The following XXYLT1 variants were observed in gnomAD, a reference collection of about 807,000 sequenced individuals.
The protein encoded by XXYLT1 is UDP-xylose:alpha-xyloside alpha-1,3-xylosyltransferase.
Under a neutral mutation model 28.9 loss-of-function variants are expected in XXYLT1, and 20 were observed. That is an observed-to-expected ratio of 0.69 (90% CI 0.49 to 1.00). The LOEUF (loss-of-function observed/expected upper bound fraction) is 1.00, where lower values mean the gene tolerates loss of function less well. XXYLT1 is among the 50% of genes least tolerant of loss of function. The probability of loss-of-function intolerance (pLI) is 0.00; values close to 1 mark genes in which losing one functional copy is unlikely to be tolerated. For synonymous variants in XXYLT1, 257 were observed against 253.8 expected (o/e 1.01, Z -0.12); for missense variants, 542 against 560.1 (o/e 0.97, Z 0.33).
rs557463780 is a variant in XXYLT1, at chr3:195,129,215, CCT to C, written c.785+27232_785+27233del. Among the ~76,000 whole-genome samples the C allele has an allele frequency of 6.6e-6, 1 of 151,660 alleles. No homozygotes were observed. The highest frequency in any genetic ancestry group is 2.4e-5 in the African/African-American group (1 of 41,402). ...ACGGCAGCCATTTACAACCTCCTGC[CCT>C]CTCTCTCTCTCTTTTTTTGGTAACA... On this transcript the variant is annotated intron_variant, in intron 3 of 3. Coordinates refer to ENST00000310380, the MANE Select transcript of XXYLT1 (RefSeq NM_152531.5). The surrounding 1 kb of genome is among the most constrained non-coding windows in gnomAD (Gnocchi z 4.4).
Position 195,179,918 on chromosome 3 carries a change from G to C in XXYLT1, c.653-23337C>G, listed in dbSNP as rs139953702. On this transcript the variant is annotated intron_variant, in intron 2 of 3. Coordinates refer to ENST00000310380, the MANE Select transcript of XXYLT1 (RefSeq NM_152531.5). The stretch of plus-strand genomic sequence containing the variant: ...TGTGACTGATGCGTGGGCCCCTGAG[G>C]ATGCCTCCCCGTGATCCCTCGGGCC... 1.3e-4 allele frequency among the ~76,000 whole-genome samples: 20 copies of C among 152,308 alleles called. No homozygotes were observed. The East Asian group carries it at 3.9e-3, about 29-fold the overall frequency.
chr3:195,263,375 G>A (rs751787602), intron 1 of XXYLT1, among the ~76,000 whole-genome samples: 4 of 152,298 alleles, frequency 2.6e-5, no homozygotes, highest in East Asian at 3.9e-4. Flanking sequence ...CCCCGGTGAC[G>A]TTGCTGGGAG....
chr3:195,174,434 G>A (rs111329773), intron 2 of XXYLT1, among the ~76,000 whole-genome samples: 2,841 of 152,132 alleles, frequency 0.019, 91 homozygotes, highest in African/African-American at 0.065. Flanking sequence ...GATTTCCCGG[G>A]CTCAAGTGAT....
chr3:195,218,572 C>T, intron 2 of XXYLT1, among the ~76,000 whole-genome samples: 1 of 151,978 alleles, frequency 6.6e-6, no homozygotes, highest in East Asian at 1.9e-4. Flanking sequence ...AAATGCTCAT[C>T]ATCACTGGCC....
At chr3:195,126,081 G>A (rs1263288278) in intron 3 of XXYLT1, among the ~76,000 whole-genome samples, 5 of 152,234 alleles carry the variant, frequency 3.3e-5, no homozygotes, top group African/African-American at 1.2e-4. Flanking sequence ...CATGCCATAA[G>A]GTTATTTTTC....
intron 1 of XXYLT1, among the ~76,000 whole-genome samples, chr3:195,249,593 T>C (rs1379878675): frequency 6.6e-6 from 1 of 152,184 alleles, no homozygotes; most frequent in East Asian, 1.9e-4. Flanking sequence ...CTGCCCAGGG[T>C]GACTAGGTCG....
intron 1 of XXYLT1, 84 bp downstream of exon 1, chr3:195,270,471 C>G: frequency 7.4e-7 from 1 of 1,343,120 alleles, no homozygotes; most frequent in Non-Finnish European, 9.5e-7. Context: ...GCTAGTTCCC[C>G]GGATCCCCTC....
intron 2 of XXYLT1, among the ~76,000 whole-genome samples, chr3:195,189,445 AT>A (rs1327116911): frequency 7.2e-5 from 11 of 152,334 alleles, no homozygotes; most frequent in African/African-American, 2.6e-4. Context: ...ATTATAAGAG[AT>A]TTAAAAAATA....
chr3:195,193,445 A>C (rs539401379), intron 2 of XXYLT1, among the ~76,000 whole-genome samples: 6 of 152,316 alleles, frequency 3.9e-5, no homozygotes, highest in African/African-American at 1.4e-4. Flanking sequence ...ATGCATTGGA[A>C]GCCTCAACAC....
At chr3:195,228,710 G>C (rs566995101) in intron 1 of XXYLT1, among the ~76,000 whole-genome samples, 1 of 151,596 alleles carries the variant, frequency 6.6e-6, no homozygotes, top group South Asian at 2.1e-4. Context: ...GGATGGTCTC[G>C]ATCTCCTGAC....
At chr3:195,090,887 T>A (rs1029016256) in intron 3 of XXYLT1, among the ~76,000 whole-genome samples, 3 of 151,652 alleles carry the variant, frequency 2.0e-5, no homozygotes, top group African/African-American at 7.3e-5. Flanking sequence ...CATCAGAGAA[T>A]ACTACAAACA....
chr3:195,243,582 C>T (rs535767220), intron 1 of XXYLT1, among the ~76,000 whole-genome samples: 3 of 152,268 alleles, frequency 2.0e-5, no homozygotes, highest in African/African-American at 7.2e-5. Flanking sequence ...GAGTGATAGA[C>T]GGGTAGAGCC....
chr3:195,112,575 A>ACACG (rs1266741284), intron 3 of XXYLT1, among the ~76,000 whole-genome samples: 1 of 148,082 alleles, frequency 6.8e-6, no homozygotes, highest in Non-Finnish European at 1.5e-5. Context: ...CAGTGCACAC[A>ACACG]CACGCACGCA....
intron 3 of XXYLT1, among the ~76,000 whole-genome samples, chr3:195,135,043 C>T (rs1719121248): frequency 6.6e-6 from 1 of 152,118 alleles, no homozygotes; most frequent in Non-Finnish European, 1.5e-5. Context: ...TGGGTAGAAA[C>T]CACAGGGGCG....
At chr3:195,143,591 C>T (rs1053523412) in intron 3 of XXYLT1, among the ~76,000 whole-genome samples, 1 of 151,776 alleles carries the variant, frequency 6.6e-6, no homozygotes, top group African/African-American at 2.4e-5. Flanking sequence ...CTTTCCTTTC[C>T]TCTCTTCTAC....
chr3:195,109,393 C>CGTGTGTGT (rs368393271), intron 3 of XXYLT1, among the ~76,000 whole-genome samples: 1 of 151,174 alleles, frequency 6.6e-6, no homozygotes, highest in African/African-American at 2.4e-5. Context: ...TATAAGTGTG[C>CGTGTGTGT]ATGTATGTGT....
intron 3 of XXYLT1, among the ~76,000 whole-genome samples, chr3:195,131,551 T>G (rs752786818): frequency 6.6e-6 from 1 of 152,202 alleles, no homozygotes; most frequent in Non-Finnish European, 1.5e-5. Context: ...AAAGCTCCAT[T>G]CCAGCTGTAG....
chr3:195,150,620 T>C lies in XXYLT1; in HGVS notation c.785+5829A>G, dbSNP rs983169343. On this transcript the variant is annotated intron_variant, in intron 3 of 3. Transcript: ENST00000310380. This position sits in a 1 kb window ranked among gnomAD's most constrained non-coding sequence, Gnocchi z 4.7. ...ATAGCCTGCCGCTTCCTCCTCAGGG[T>C]GGGCCGGGGCTCACACAGCACACGG... is the stretch of plus-strand genomic sequence containing the variant. Among the ~76,000 whole-genome samples, 2 of 152,094 alleles carry C rather than the reference T, an allele frequency of 1.3e-5. No homozygotes were observed. The highest frequency in any genetic ancestry group is 2.9e-5 in the Non-Finnish European group (2 of 68,018).
intron 1 of XXYLT1, among the ~76,000 whole-genome samples, chr3:195,254,613 C>G (rs937335174): frequency 6.6e-6 from 1 of 152,260 alleles, no homozygotes; most frequent in South Asian, 2.1e-4. Context: ...TCAGGGGCAG[C>G]CACCTGCGCC....
Sources: allele counts gnomAD v4.1 joint callset (sites outside exome capture counted in the v4.1 genomes callset), GRCh38; gene constraint gnomAD v4.1.1; non-coding constraint Gnocchi (gnomAD v3.1); transcripts MANE v1.5; gene names NCBI Gene and HGNC (gene_info 2026-07-23, HGNC 2026-07-21).